Variants in WDR7 observed in about 807,000 individuals in gnomAD.
The protein encoded by WDR7 is WD repeat-containing protein 7.
In WDR7, 46 loss-of-function variants were observed where a neutral mutation model predicts 169.4. The ratio of observed to expected loss-of-function variants is 0.27; its 90% CI spans 0.21 to 0.35. WDR7 has a LOEUF of 0.35. Ranked by LOEUF, WDR7 falls within the 10% of genes least tolerant of loss-of-function variation. WDR7 has a pLI of 1.00. For missense variants in WDR7, 1,534 were observed against 1,859.3 expected (o/e 0.83, Z 3.22); for synonymous variants, 612 against 666.8 (o/e 0.92, Z 1.27).
chr18:56,828,714 GT>G (rs2045256042), intron 20 of WDR7, among the ~76,000 whole-genome samples: 1 of 152,172 alleles, frequency 6.6e-6, no homozygotes, highest in Admixed American at 6.5e-5. Context: ...CATCAGCTCA[GT>G]TTTTAAGAGG....
At chr18:56,732,002 A>G (rs992683564) in intron 14 of WDR7, among the ~76,000 whole-genome samples, 6 of 152,210 alleles carry the variant, frequency 3.9e-5, no homozygotes, top group Non-Finnish European at 8.8e-5. Flanking sequence ...TTTTAAAATT[A>G]GGTTCTGATT....
intron 26 of WDR7, among the ~76,000 whole-genome samples, chr18:56,996,642 A>G (rs540422873): frequency 7.9e-5 from 12 of 151,888 alleles, no homozygotes; most frequent in Admixed American, 3.3e-4. Flanking sequence ...TTTCCTTTCA[A>G]CTTTGAGGCA....
In WDR7 at chr18:56,651,477, C is replaced by T. The variant is rs1315480567; in HGVS notation, c.-119C>T. Reference sequence around the variant, plus strand: ...TTATCCCAGCAGGATCTACGCACCCCGCATCCTCCGTAGTTCCGCCCTATC... The same window carrying T: ...TTATCCCAGCAGGATCTACGCACCCTGCATCCTCCGTAGTTCCGCCCTATC... On this transcript the variant is annotated 5_prime_UTR_variant, in exon 1 of 28. Transcript: ENST00000254442. The T allele has an allele frequency of 6.6e-6, 1 of 152,592 alleles. No homozygotes were observed. The highest frequency in any genetic ancestry group is 1.5e-5 in the Non-Finnish European group (1 of 68,302). 9.5% of individuals were successfully genotyped at this position (152,592 alleles called of 1,614,324 possible).
intron 26 of WDR7, among the ~76,000 whole-genome samples, chr18:57,017,082 G>A (rs911266084): frequency 6.6e-6 from 1 of 152,208 alleles, no homozygotes; most frequent in Non-Finnish European, 1.5e-5. Context: ...AGTTCTGTGC[G>A]ATCCGCACAG....
intron 20 of WDR7, among the ~76,000 whole-genome samples, chr18:56,816,866 T>A (rs2044980566): frequency 6.6e-6 from 1 of 152,140 alleles, no homozygotes; most frequent in Non-Finnish European, 1.5e-5. Context: ...GTGGTTAAAA[T>A]TTAAAATTTG....
At chr18:56,783,391 A>G (rs1338943939) in intron 19 of WDR7, among the ~76,000 whole-genome samples, 2 of 152,212 alleles carry the variant, frequency 1.3e-5, no homozygotes, top group African/African-American at 4.8e-5. Flanking sequence ...CAGAAAATAT[A>G]GTTAGATGAT....
At chr18:56,841,060 G>A (rs752636002) in intron 20 of WDR7, among the ~76,000 whole-genome samples, 6 of 151,810 alleles carry the variant, frequency 4.0e-5, no homozygotes, top group Non-Finnish European at 8.8e-5. Context: ...AGGCTTGGTG[G>A]TGGGCACCTG....
chr18:56,816,074 T>G lies in WDR7; in HGVS notation c.3234T>G (p.Pro1078=). The change falls in exon 20 of 28, where the codon CCT becomes CCG. Residue 1078 remains proline (P), a synonymous_variant. Coordinates refer to ENST00000254442, the MANE Select transcript of WDR7 (RefSeq NM_015285.3). ...CCGCGCAGACTATCACCACGGCTCC[T>G]GATGCCTCAGGGCCTGAAGCAAAAG... is the stretch of plus-strand genomic sequence containing the variant. ...SEAAQTITTA[P]DASGPEAKVQ... 6.2e-7 allele frequency: 1 copy of G among 1,613,728 alleles called. No individual in the cohort carries two copies. Among genetic ancestry groups the G allele is most frequent in the South Asian group, 1.1e-5 (1 of 90,976 alleles).
At chr18:56,794,508 A>C (rs1239973609) in intron 19 of WDR7, among the ~76,000 whole-genome samples, 1 of 151,428 alleles carries the variant, frequency 6.6e-6, no homozygotes, top group African/African-American at 2.4e-5. Context: ...AAGGGGTTTC[A>C]TTGTGCTAAC....
chr18:56,707,981 G>T (rs1266941506), intron 12 of WDR7, among the ~76,000 whole-genome samples: 1 of 150,992 alleles, frequency 6.6e-6, no homozygotes, highest in Admixed American at 6.6e-5. Flanking sequence ...AAAGGAAAGA[G>T]AAAGTTTTCT....
At chr18:56,683,530 CACT>C (rs1372813026) in intron 5 of WDR7, among the ~76,000 whole-genome samples, 1 of 152,134 alleles carries the variant, frequency 6.6e-6, no homozygotes, top group Non-Finnish European at 1.5e-5. Flanking sequence ...TAACCACCAC[CACT>C]ACCACCGGTA....
intron 26 of WDR7, among the ~76,000 whole-genome samples, chr18:57,009,394 T>C (rs1347290611): frequency 6.6e-6 from 1 of 152,210 alleles, no homozygotes; most frequent in African/African-American, 2.4e-5. Flanking sequence ...TTTTGTTTTT[T>C]TATTTCAATA....
intron 20 of WDR7, among the ~76,000 whole-genome samples, chr18:56,874,770 A>T (rs1280027636): frequency 6.6e-6 from 1 of 152,134 alleles, no homozygotes; most frequent in Non-Finnish European, 1.5e-5. Context: ...ACTAACTTTA[A>T]AAAAAGAAAA....
chr18:56,845,527 C>T (rs1260162562), intron 20 of WDR7, among the ~76,000 whole-genome samples: 1 of 151,926 alleles, frequency 6.6e-6, no homozygotes, highest in Non-Finnish European at 1.5e-5. Context: ...TTCATGGAAT[C>T]CTAACATTCC....
intron 7 of WDR7, among the ~76,000 whole-genome samples, chr18:56,689,647 A>G (rs2025522586): frequency 6.6e-6 from 1 of 152,052 alleles, no homozygotes; most frequent in African/African-American, 2.4e-5. Context: ...TTTTATTTTT[A>G]TGTCAGATGG....
intron 22 of WDR7, among the ~76,000 whole-genome samples, chr18:56,932,586 G>A (rs971589541): frequency 6.6e-6 from 1 of 152,180 alleles, no homozygotes; most frequent in African/African-American, 2.4e-5. Flanking sequence ...TTTATGAGAA[G>A]CGTCTTTGGT....
intron 13 of WDR7, among the ~76,000 whole-genome samples, chr18:56,725,722 C>T (rs543866781): frequency 2.0e-5 from 3 of 152,262 alleles, no homozygotes; most frequent in Admixed American, 2.0e-4. Flanking sequence ...GACATGAAGT[C>T]CTTGCCTATG....
At chr18:56,990,406 C>A (rs757859326) in intron 26 of WDR7, among the ~76,000 whole-genome samples, 2 of 152,182 alleles carry the variant, frequency 1.3e-5, no homozygotes, top group African/African-American at 4.8e-5. Flanking sequence ...CCTCACTCCA[C>A]CTTTACGTTT....
chr18:57,009,365 A>G (rs1478777127), intron 26 of WDR7, among the ~76,000 whole-genome samples: 1 of 152,352 alleles, frequency 6.6e-6, no homozygotes, highest in Admixed American at 6.5e-5. Context: ...AGAAGTCACC[A>G]TCATCAAGGG....
Sources: gnomAD v4.1 joint callset for allele counts (sites outside exome capture counted in the v4.1 genomes callset) on GRCh38, gnomAD v4.1.1 for gene constraint, MANE v1.5 for transcripts, NCBI Gene and HGNC (gene_info 2026-07-23, HGNC 2026-07-21) for gene names.